Variants in NPHP4 observed in about 807,000 individuals in gnomAD.
The protein encoded by NPHP4 is nephrocystin 4.
NPHP4 carries 151 observed loss-of-function variants against 155.8 expected under a neutral mutation model. That is an observed-to-expected ratio of 0.97 (90% CI 0.85 to 1.11). The LOEUF (loss-of-function observed/expected upper bound fraction) is 1.11, where lower values mean the gene tolerates loss of function less well. Among genes scored for constraint, NPHP4 ranks in the 50% least tolerant of loss-of-function variants. NPHP4 has a pLI of 0.00. For missense variants in NPHP4, 1,956 were observed against 1,925.7 expected (o/e 1.02, Z -0.29); for synonymous variants, 845 against 816.8 (o/e 1.03, Z -0.59).
chr1:5,933,409 G>A, intron 9 of NPHP4, 80 bp from the exon 10 acceptor site: 4 of 1,196,256 alleles, frequency 3.3e-6, no homozygotes, highest in Non-Finnish European at 4.9e-6. Context: ...GTGCTTTCAT[G>A]TGTAAAATTC....
chr1:5,935,051 T>C (rs1396236458), intron 9 of NPHP4, among the ~76,000 whole-genome samples: 1 of 152,224 alleles, frequency 6.6e-6, no homozygotes, highest in African/African-American at 2.4e-5. Context: ...CCCCATGGTC[T>C]CTACTGGGCT....
intron 6 of NPHP4, among the ~76,000 whole-genome samples, chr1:5,956,957 A>G (rs1167019326): frequency 6.6e-6 from 1 of 152,208 alleles, no homozygotes; most frequent in Non-Finnish European, 1.5e-5. Flanking sequence ...CAACCGCCAC[A>G]GGTCTGTCAG....
intron 2 of NPHP4, among the ~76,000 whole-genome samples, chr1:5,980,319 C>A (rs1422702158): frequency 6.6e-6 from 1 of 152,188 alleles, no homozygotes; most frequent in Admixed American, 6.5e-5. Context: ...CCTCACCACC[C>A]CTAAATGGAA....
intron 11 of NPHP4, among the ~76,000 whole-genome samples, chr1:5,916,864 T>C (rs1254690346): frequency 6.6e-6 from 1 of 152,242 alleles, no homozygotes; most frequent in African/African-American, 2.4e-5. Flanking sequence ...AGCAGGCTTC[T>C]AGAAGGAGGA....
At chr1:5,965,420 T>C (rs1651305714) in intron 5 of NPHP4, among the ~76,000 whole-genome samples, 1 of 152,176 alleles carries the variant, frequency 6.6e-6, no homozygotes, top group African/African-American at 2.4e-5. Flanking sequence ...GCGAATGTGG[T>C]GGCTGTCTAC....
intron 18 of NPHP4, among the ~76,000 whole-genome samples, chr1:5,884,739 C>A (rs540736871): frequency 2.3e-4 from 34 of 146,610 alleles, no homozygotes; most frequent in African/African-American, 8.1e-4. Context: ...TACTCCACAA[C>A]CAAGATCACT....
chr1:5,888,075 A>T (rs1346530542), intron 17 of NPHP4, among the ~76,000 whole-genome samples: 1 of 152,052 alleles, frequency 6.6e-6, no homozygotes. Flanking sequence ...GCCATGGGGC[A>T]CGAGAGGCCC....
chr1:5,905,015 G>A lies in NPHP4; in HGVS notation c.1956-211C>T, dbSNP rs1360649430. ...TCGAGTGTAAGGACACTCCCGGCTA[G>A]AGAAGCTGCCTTTGGAGCTACACTA... On this transcript the variant is annotated intron_variant, in intron 15 of 29. Coordinates refer to ENST00000378156, the MANE Select transcript of NPHP4 (RefSeq NM_015102.5). This position sits in a 1 kb window ranked among gnomAD's most constrained non-coding sequence, Gnocchi z 4.0. Among the ~76,000 whole-genome samples the A allele has an allele frequency of 2.0e-5, 3 of 152,202 alleles. No homozygotes were observed. The highest frequency in any genetic ancestry group is 7.2e-5 in the African/African-American group (3 of 41,456).
At chr1:5,957,377 C>A (rs1248295917) in intron 6 of NPHP4, among the ~76,000 whole-genome samples, 1 of 152,222 alleles carries the variant, frequency 6.6e-6, no homozygotes, top group Non-Finnish European at 1.5e-5. Context: ...TAACGGGCTC[C>A]CACAGCCCAC....
intron 3 of NPHP4, among the ~76,000 whole-genome samples, chr1:5,969,607 A>T (rs1333554296): frequency 6.6e-6 from 1 of 152,214 alleles, no homozygotes; most frequent in Non-Finnish European, 1.5e-5. Context: ...ATGGGGCTAG[A>T]GCAGCTATGC....
At chr1:5,909,075 T>TAAGGGGGGACA (rs2101231123) in intron 12 of NPHP4, 77 bp downstream of exon 12, 1 of 1,222,978 alleles carries the variant, frequency 8.2e-7, no homozygotes, top group East Asian at 2.5e-5. Context: ...CCACTGTGCT[T>TAAGGGGGGACA]AAGGGGGGAC....
At chr1:5,874,074 C>A (rs772844846) in intron 22 of NPHP4, among the ~76,000 whole-genome samples, 23 of 152,200 alleles carry the variant, frequency 1.5e-4, no homozygotes, top group Non-Finnish European at 3.1e-4. Context: ...TGCACGCATG[C>A]TCCCCGCACA....
intron 9 of NPHP4, among the ~76,000 whole-genome samples, chr1:5,934,263 T>C (rs974032183): frequency 3.3e-5 from 5 of 152,028 alleles, no homozygotes; most frequent in Admixed American, 1.3e-4. Flanking sequence ...CAGAGGCCCA[T>C]GGGGTACAGG....
chr1:5,989,927 G>A (rs1042696844), intron 1 of NPHP4, among the ~76,000 whole-genome samples: 6 of 152,222 alleles, frequency 3.9e-5, no homozygotes, highest in South Asian at 2.1e-4. Flanking sequence ...CATCCATTCC[G>A]AAAGCACCTG....
At chr1:5,955,677 T>C (rs1445238095) in intron 6 of NPHP4, among the ~76,000 whole-genome samples, 8 of 152,192 alleles carry the variant, frequency 5.3e-5, no homozygotes, top group Non-Finnish European at 1.0e-4. Flanking sequence ...TACTCATATG[T>C]GGGATCTCAA....
chr1:5,952,884 C>G (rs764124040), intron 6 of NPHP4, 48 bp from the exon 7 acceptor site: 3 of 1,522,772 alleles, frequency 2.0e-6, no homozygotes, highest in South Asian at 2.6e-5. Context: ...AATAAAACAC[C>G]CACTGGCAGC....
At chr1:5,953,311 G>C (rs113924109) in intron 6 of NPHP4, among the ~76,000 whole-genome samples, 1 of 152,050 alleles carries the variant, frequency 6.6e-6, no homozygotes, top group Non-Finnish European at 1.5e-5. Context: ...TCACCATATT[G>C]GCCGGGCTGG....
At chr1:5,915,775 C>A (rs1347218668) in intron 11 of NPHP4, among the ~76,000 whole-genome samples, 1 of 152,146 alleles carries the variant, frequency 6.6e-6, no homozygotes. Flanking sequence ...GACCCACTGT[C>A]CCACTAATTC....
chr1:5,980,992 C>T (rs1654587582), intron 2 of NPHP4, among the ~76,000 whole-genome samples: 1 of 152,206 alleles, frequency 6.6e-6, no homozygotes, highest in African/African-American at 2.4e-5. Context: ...AGAGCAACCC[C>T]CTGGCTTTTC....
Sources: gnomAD v4.1 joint callset for allele counts (sites outside exome capture counted in the v4.1 genomes callset) on GRCh38, gnomAD v4.1.1 for gene constraint, Gnocchi (gnomAD v3.1) non-coding constraint, MANE v1.5 for transcripts, NCBI Gene and HGNC (gene_info 2026-07-23, HGNC 2026-07-21) for gene names.